The following ZDHHC14 variants were observed in gnomAD, a reference collection of about 807,000 sequenced individuals.
The protein encoded by ZDHHC14 is palmitoyltransferase ZDHHC14.
A neutral mutation model predicts 47.7 loss-of-function variants in ZDHHC14; 16 were observed. The observed-to-expected ratio is 0.34, with a 90% CI of 0.23 to 0.51. ZDHHC14 has a LOEUF of 0.51. Among genes scored for constraint, ZDHHC14 ranks in the 20% least tolerant of loss-of-function variants. ZDHHC14 has a pLI of 0.97. For missense variants in ZDHHC14, 515 were observed against 662.5 expected, an observed-to-expected ratio of 0.78 and a Z score of 2.44; for synonymous variants, 293 against 278.9, an observed-to-expected ratio of 1.05 and a Z score of -0.50.
At chr6:157,521,460 T>C (rs978996847) in intron 1 of ZDHHC14, among the ~76,000 whole-genome samples, 2 of 152,186 alleles carry the variant, frequency 1.3e-5, no homozygotes, top group Non-Finnish European at 2.9e-5. Flanking sequence ...AACTTACTTC[T>C]CACAGTTCTG....
chr6:157,643,330 G>A, intron 5 of ZDHHC14, among the ~76,000 whole-genome samples: 1 of 152,154 alleles, frequency 6.6e-6, no homozygotes, highest in Non-Finnish European at 1.5e-5. Context: ...ACTGCATTCT[G>A]CAATTTACAA....
chr6:157,382,018 G>A lies in ZDHHC14; in HGVS notation c.-4G>A. ...TGTGCGCCCCCAGCCGGCTGCCCTC[G>A]TGGATGCCTCCCGGCGGCGGCGGGC... is the stretch of plus-strand genomic sequence containing the variant. On this transcript the variant is annotated 5_prime_UTR_variant, in exon 1 of 9. The change creates a new upstream start codon in the 5' untranslated region. Transcript: ENST00000359775. 6.7e-7 allele frequency: 1 copy of A among 1,490,912 alleles called. No individual in the cohort carries two copies. Among genetic ancestry groups the A allele is most frequent in the African/African-American group, 1.4e-5 (1 of 70,052 alleles). 92.4% of individuals were successfully genotyped at this position (1,490,912 alleles called of 1,614,324 possible). A position where few individuals can be genotyped will look rare whatever the true frequency, so the allele number is the denominator to read the frequency against.
chr6:157,564,014 C>T (rs1024676608), intron 2 of ZDHHC14, among the ~76,000 whole-genome samples: 63 of 152,354 alleles, frequency 4.1e-4, no homozygotes, highest in African/African-American at 1.3e-3. Context: ...CCAGGTTTCA[C>T]TCTGAGGATG....
At chr6:157,526,841 C>T (rs1262818486) in intron 1 of ZDHHC14, among the ~76,000 whole-genome samples, 1 of 152,164 alleles carries the variant, frequency 6.6e-6, no homozygotes. Context: ...TATTCACCAA[C>T]CGCTGGACCA....
intron 1 of ZDHHC14, among the ~76,000 whole-genome samples, chr6:157,542,100 A>G (rs1781786744): frequency 6.6e-6 from 1 of 152,188 alleles, no homozygotes; most frequent in Admixed American, 6.5e-5. Context: ...TACAGTCCTC[A>G]GCGTTTGGTG....
At chr6:157,480,934 AATG>A (rs1390333633) in intron 1 of ZDHHC14, among the ~76,000 whole-genome samples, 1 of 152,216 alleles carries the variant, frequency 6.6e-6, no homozygotes, top group Non-Finnish European at 1.5e-5. Flanking sequence ...GTTTTAAAAA[AATG>A]TGTTTTGCAT....
chr6:157,628,539 A>G, intron 4 of ZDHHC14, 53 bp downstream of exon 4: 1 of 1,571,858 alleles, frequency 6.4e-7, no homozygotes, highest in South Asian at 1.2e-5. Context: ...CCTGACTTTG[A>G]TTTTCCTATT....
chr6:157,559,933 C>G (rs1298107320), intron 2 of ZDHHC14, among the ~76,000 whole-genome samples: 1 of 152,092 alleles, frequency 6.6e-6, no homozygotes, highest in Non-Finnish European at 1.5e-5. Context: ...AAATAGAAAC[C>G]TTACTTGAAA....
intron 1 of ZDHHC14, among the ~76,000 whole-genome samples, chr6:157,424,054 C>T (rs371844547): frequency 9.8e-5 from 15 of 152,340 alleles, no homozygotes; most frequent in Middle Eastern, 3.4e-3. Context: ...TTAACAGATG[C>T]GTGCTTTGCA....
At chr6:157,595,128 C>G (rs1158182466) in intron 3 of ZDHHC14, among the ~76,000 whole-genome samples, 1 of 149,848 alleles carries the variant, frequency 6.7e-6, no homozygotes, top group Non-Finnish European at 1.5e-5. Flanking sequence ...CTAAACACAC[C>G]CAATTTGTCC....
At chr6:157,625,333 C>T (rs768447502) in intron 3 of ZDHHC14, among the ~76,000 whole-genome samples, 50 of 151,946 alleles carry the variant, frequency 3.3e-4, no homozygotes, top group Non-Finnish European at 6.3e-4. Flanking sequence ...TGAAGAGGCA[C>T]GTGTTTGGGG....
intron 1 of ZDHHC14, among the ~76,000 whole-genome samples, chr6:157,485,771 G>A (rs1223155962): frequency 6.6e-6 from 1 of 152,006 alleles, no homozygotes; most frequent in Non-Finnish European, 1.5e-5. Context: ...AGCACTTCGG[G>A]AGGCCAAGGC....
In ZDHHC14 at chr6:157,677,287, C is replaced by T. The variant is rs1463103579; in HGVS notation, c.*4165C>T. 3 of 143,850 alleles carry T rather than the reference C, an allele frequency of 2.1e-5. No homozygotes were observed. The highest frequency in any genetic ancestry group is 3.0e-5 in the Non-Finnish European group (2 of 66,126). The allele number at this position is 143,850 out of a possible 1,614,324, so 8.9% of individuals were successfully genotyped here. ...CTGCCTCTCATTTGTTCCCTTAAAA[C>T]GTCTCTCTCTCTCATAAAACTAAGT... On this transcript the variant is annotated 3_prime_UTR_variant, in exon 9 of 9. Coordinates refer to ENST00000359775, the MANE Select transcript of ZDHHC14 (RefSeq NM_024630.3).
intron 5 of ZDHHC14, among the ~76,000 whole-genome samples, chr6:157,634,754 C>T (rs561959376): frequency 3.9e-5 from 6 of 152,338 alleles, no homozygotes; most frequent in Non-Finnish European, 7.3e-5. Flanking sequence ...AAACCCTGTG[C>T]GTGTGCAGGA....
At chr6:157,579,186 C>CTG (rs969164764) in intron 2 of ZDHHC14, among the ~76,000 whole-genome samples, 11 of 94,290 alleles carry the variant, frequency 1.2e-4, no homozygotes, top group African/African-American at 2.5e-4. Flanking sequence ...GATATTGATT[C>CTG]TGTGTTTTTT....
At chr6:157,592,860 C>T in intron 2 of ZDHHC14, 128 bp from the exon 3 acceptor site, 4 of 1,486,488 alleles carry the variant, frequency 2.7e-6, no homozygotes, top group South Asian at 1.4e-5. Context: ...CTGGGTAAAC[C>T]GTGGGCACCG....
At chr6:157,603,752 T>A (rs1784426384) in intron 3 of ZDHHC14, among the ~76,000 whole-genome samples, 1 of 152,124 alleles carries the variant, frequency 6.6e-6, no homozygotes, top group Non-Finnish European at 1.5e-5. Context: ...CCTCAAATGT[T>A]TTTCCAGGAC....
intron 1 of ZDHHC14, among the ~76,000 whole-genome samples, chr6:157,403,764 CT>C (rs796526015): frequency 6.2e-4 from 95 of 152,396 alleles, no homozygotes; most frequent in African/African-American, 1.6e-3. Context: ...ATCTCCTTAG[CT>C]AATGTGACAC....
intron 5 of ZDHHC14, among the ~76,000 whole-genome samples, chr6:157,644,525 G>A (rs1777425735): frequency 6.6e-6 from 1 of 152,228 alleles, no homozygotes; most frequent in Admixed American, 6.5e-5. Flanking sequence ...TCAACAGGCA[G>A]AAGCCCATTC....
Sources: allele counts gnomAD v4.1 joint callset (sites outside exome capture counted in the v4.1 genomes callset), GRCh38; gene constraint gnomAD v4.1.1; transcripts MANE v1.5; gene names NCBI Gene and HGNC (gene_info 2026-07-23, HGNC 2026-07-21).